RBM10: variants seen among roughly 807,000 people sequenced by gnomAD.
RBM10 encodes RNA-binding protein 10.
RBM10 carries 1 observed loss-of-function variant against 84.9 expected under a neutral mutation model. The observed-to-expected ratio is 0.01, with a 90% CI of 0.00 to 0.06. RBM10 has a LOEUF of 0.06. Ranked by LOEUF, RBM10 falls within the 10% of genes least tolerant of loss-of-function variation. The pLI is 1.00. For missense variants in RBM10, 438 were observed against 839.0 expected (o/e 0.52, Z 5.90); for synonymous variants, 326 against 344.5 (o/e 0.95, Z 0.60).
intron 7 of RBM10, among the ~76,000 whole-genome samples, chrX:47,178,091 C>A (rs782097054): frequency 9.0e-6 from 1 of 111,403 alleles, no homozygotes; most frequent in African/African-American, 3.3e-5. Context: ...ATGCTGGCCT[C>A]TTGTCCTCTT....
chrX:47,160,902 C>T (rs963161874), intron 2 of RBM10, among the ~76,000 whole-genome samples: 7 of 111,609 alleles, frequency 6.3e-5, no homozygotes, highest in South Asian at 7.4e-4. Flanking sequence ...AAAGCAGTCA[C>T]GGACAATTTA....
chrX:47,163,613 G>A (rs1556767488), intron 2 of RBM10, among the ~76,000 whole-genome samples: 3 of 110,609 alleles, frequency 2.7e-5, no homozygotes, highest in South Asian at 3.8e-4. Context: ...AGCCCACCAC[G>A]CCTGGCCACA....
At chrX:47,177,813 C>T (rs1244873753) in intron 7 of RBM10, among the ~76,000 whole-genome samples, 1 of 111,097 alleles carries the variant, frequency 9.0e-6, no homozygotes, top group Non-Finnish European at 1.9e-5. Context: ...GACAGGGTTT[C>T]GTCATGTTTG....
chrX:47,182,758 CTG>C (rs1288030927), intron 17 of RBM10, among the ~76,000 whole-genome samples: 5 of 112,778 alleles, frequency 4.4e-5, no homozygotes, highest in African/African-American at 1.6e-4. Flanking sequence ...GGGTGTGACA[CTG>C]TGAGCGTAGC....
chrX:47,165,405 C>T (rs1369284256), intron 2 of RBM10, among the ~76,000 whole-genome samples: 1 of 107,723 alleles, frequency 9.3e-6, no homozygotes, highest in South Asian at 4.1e-4. Context: ...ATCCCAGCTA[C>T]TCGGGAGGCT....
chrX:47,175,831 A>G (rs1357130641), intron 6 of RBM10, among the ~76,000 whole-genome samples: 1 of 109,634 alleles, frequency 9.1e-6, no homozygotes, highest in Non-Finnish European at 1.9e-5. Flanking sequence ...TCCGAGACCC[A>G]AAGATCTGCC....
rs1421474622 is a variant in RBM10 at position 47,147,537 on chromosome X, T to G, written c.17+39T>G. On this transcript the variant is annotated intron_variant, in intron 2 of 23. Coordinates refer to ENST00000377604, the MANE Select transcript of RBM10 (RefSeq NM_005676.5). The stretch of plus-strand genomic sequence containing the variant: ...TCTCAGCTTCCCAGACAGCCTAGGC[T>G]TGCGTCTATGTGAGAATTGATCCAA... 9 of 1,201,494 alleles carry G rather than the reference T, an allele frequency of 7.5e-6. No homozygotes were observed. The African/African-American group carries it at 1.6e-4, about 21-fold the overall frequency.
At chrX:47,157,329 T>C in intron 2 of RBM10, 1 of 331,785 alleles carries the variant, frequency 3.0e-6, no homozygotes, top group African/African-American at 2.6e-5. Flanking sequence ...GATGAAATTC[T>C]AGACCACACA....
chrX:47,156,048 A>G (rs1556765133), intron 2 of RBM10, among the ~76,000 whole-genome samples: 1 of 109,817 alleles, frequency 9.1e-6, no homozygotes, highest in East Asian at 2.9e-4. Context: ...ACCTCAGGTG[A>G]TCTGCCTGCC....
chrX:47,176,051 GCT>G (rs1417777617), intron 6 of RBM10, among the ~76,000 whole-genome samples: 1 of 112,898 alleles, frequency 8.9e-6, no homozygotes, highest in Non-Finnish European at 1.9e-5. Context: ...GTTCGAAATG[GCT>G]CTTTCTTTTT....
intron 2 of RBM10, chrX:47,157,353 C>T: frequency 6.3e-6 from 2 of 317,082 alleles, no homozygotes; most frequent in Non-Finnish European, 1.2e-5. Context: ...TGGCTGTATG[C>T]CATTCAGGCC....
At chrX:47,181,709 A>G (rs1363702784) in intron 14 of RBM10, 40 bp from the exon 15 acceptor site, 1 of 1,208,115 alleles carries the variant, frequency 8.3e-7, no homozygotes, top group African/African-American at 1.8e-5. Flanking sequence ...TGGCATGGGC[A>G]GACACTGAGC....
chrX:47,163,925 G>C (rs2058062292), intron 2 of RBM10, among the ~76,000 whole-genome samples: 1 of 88,700 alleles, frequency 1.1e-5, no homozygotes, highest in Admixed American at 1.4e-4. Context: ...CTGGAGTGCA[G>C]TGGCGCGATC....
At chrX:47,179,018 G>A (rs1471251192) in intron 7 of RBM10, 85 bp from the exon 8 acceptor site, 1 of 1,171,560 alleles carries the variant, frequency 8.5e-7, no homozygotes. Context: ...GCACTGCGGG[G>A]TCCCTGGGAG....
At chrX:47,174,418 G>A (rs891627686) in intron 5 of RBM10, among the ~76,000 whole-genome samples, 3 of 111,462 alleles carry the variant, frequency 2.7e-5, no homozygotes, top group African/African-American at 6.5e-5. Context: ...CCTGCGCTGC[G>A]GTGAGGCTGA....
chrX:47,161,536 T>TGAGA (rs376441587), intron 2 of RBM10, among the ~76,000 whole-genome samples: 29,298 of 62,138 alleles, frequency 0.47, 7,685 homozygotes, highest in Non-Finnish European at 0.59. Context: ...TTTTTTTTAG[T>TGAGA]GAGAGAGAGA....
At chrX:47,148,051 G>A (rs960903145) in intron 2 of RBM10, among the ~76,000 whole-genome samples, 2 of 111,875 alleles carry the variant, frequency 1.8e-5, no homozygotes, top group Admixed American at 1.9e-4. Flanking sequence ...CGAGGCAGGT[G>A]ACCCAGCCAT....
intron 1 of RBM10, 127 bp from the exon 2 acceptor site, chrX:47,147,230 T>G: frequency 1.5e-6 from 1 of 689,573 alleles, no homozygotes. Flanking sequence ...TGCACAGGAG[T>G]GCTGGGAGCT....
At position 47,171,065 on chromosome X, in the gene RBM10, G is replaced by A. The variant is rs1934614772; in HGVS notation, c.239G>A (p.Arg80His). The change falls in exon 4 of 24, where the codon CGT (arginine) becomes CAT (histidine). Residue 80 changes from arginine (R) to histidine (H), a missense_variant. Coordinates refer to ENST00000377604, the MANE Select transcript of RBM10 (RefSeq NM_005676.5). ...GCCTCCCCGGGCTCCGAGACTCAGC[G>A]TAGGCGGCGGCGGCGGCACAGGCAC... ...YEASPGSETQRRRRRRHRHSP... is the reference protein window; with the variant it reads ...YEASPGSETQHRRRRRHRHSP... 2 of 1,210,959 alleles carry A rather than the reference G, an allele frequency of 1.7e-6. No homozygotes were observed. The highest frequency in any genetic ancestry group is 1.8e-5 in the South Asian group (1 of 56,826).
Sources: allele counts gnomAD v4.1 joint callset (sites outside exome capture counted in the v4.1 genomes callset), GRCh38; gene constraint gnomAD v4.1.1; transcripts MANE v1.5; gene names NCBI Gene and HGNC (gene_info 2026-07-23, HGNC 2026-07-21).